The following GTF2B variants were observed in gnomAD, a reference collection of about 807,000 sequenced individuals.
GTF2B encodes the protein general transcription factor IIB, also known as transcription initiation factor IIB.
In GTF2B, 20 loss-of-function variants were observed where a neutral mutation model predicts 34.6. That is an observed-to-expected ratio of 0.58 (90% CI 0.41 to 0.84). The LOEUF is 0.84. Among genes scored for constraint, GTF2B ranks in the 40% least tolerant of loss-of-function variants. The pLI is 0.00. For missense variants in GTF2B, 237 were observed against 393.3 expected (o/e 0.60, Z 3.36); for synonymous variants, 142 against 132.4 (o/e 1.07, Z -0.50).
intron 2 of GTF2B, among the ~76,000 whole-genome samples, chr1:88,873,895 A>G (rs2100973405): frequency 6.6e-6 from 1 of 152,356 alleles, no homozygotes; most frequent in Non-Finnish European, 1.5e-5. Flanking sequence ...GTGAGCAGCC[A>G]CATACATGCC....
At chr1:88,858,858 A>C (rs1461405864) in intron 5 of GTF2B, 1 of 148,366 alleles carries the variant, frequency 6.7e-6, no homozygotes, top group Non-Finnish European at 1.5e-5. Flanking sequence ...GAAAAAACTT[A>C]ACTGATAACT....
At chr1:88,873,591 C>T (rs1673749251) in intron 2 of GTF2B, among the ~76,000 whole-genome samples, 3 of 152,098 alleles carry the variant, frequency 2.0e-5, no homozygotes, top group African/African-American at 7.2e-5. Flanking sequence ...AGAAGTTTCT[C>T]ATGTTAACAG....
chr1:88,864,290 G>A (rs140026201), intron 2 of GTF2B, among the ~76,000 whole-genome samples, 176 bp from the exon 3 acceptor site: 1,588 of 152,218 alleles, frequency 0.01, 20 homozygotes, highest in Middle Eastern at 0.02. Flanking sequence ...TAACTATTGT[G>A]CCAATCTAAC....
intron 1 of GTF2B, among the ~76,000 whole-genome samples, chr1:88,889,368 G>A (rs1435131092): frequency 6.6e-6 from 1 of 152,192 alleles, no homozygotes; most frequent in Non-Finnish European, 1.5e-5. Context: ...GTAACAGAGA[G>A]AAACAATAGG....
intron 1 of GTF2B, among the ~76,000 whole-genome samples, chr1:88,889,362 CAGAG>C (rs1330964282): frequency 1.3e-5 from 2 of 152,114 alleles, no homozygotes; most frequent in African/African-American, 4.8e-5. Context: ...AAGGTGGTAA[CAGAG>C]AGAAACAATA....
intron 4 of GTF2B, 48 bp downstream of exon 4, chr1:88,860,092 T>C (rs1673400680): frequency 6.2e-7 from 1 of 1,611,670 alleles, no homozygotes; most frequent in Admixed American, 1.7e-5. Context: ...CATTAAATTA[T>C]GCAAAGTCAA....
intron 6 of GTF2B, among the ~76,000 whole-genome samples, chr1:88,856,107 T>C (rs1233013532): frequency 6.6e-6 from 1 of 151,628 alleles, no homozygotes; most frequent in East Asian, 1.9e-4. Context: ...CCATCTCTAC[T>C]AAAAATACAA....
chr1:88,861,357 G>A (rs1673436348), intron 3 of GTF2B, among the ~76,000 whole-genome samples: 1 of 152,198 alleles, frequency 6.6e-6, no homozygotes, highest in African/African-American at 2.4e-5. Context: ...CAAAACCCCA[G>A]TGAGAATATT....
At chr1:88,862,472 G>T in intron 3 of GTF2B, among the ~76,000 whole-genome samples, 1 of 152,182 alleles carries the variant, frequency 6.6e-6, no homozygotes. Context: ...AGCCTGGGAG[G>T]TGGAGGTTGC....
chr1:88,861,059 A>G (rs1363246210), intron 3 of GTF2B, among the ~76,000 whole-genome samples: 1 of 152,232 alleles, frequency 6.6e-6, no homozygotes, highest in Non-Finnish European at 1.5e-5. Flanking sequence ...GCTGCTATAA[A>G]TAATTCATTA....
intron 1 of GTF2B, 99 bp downstream of exon 1, chr1:88,891,384 C>A: frequency 1.2e-6 from 1 of 853,654 alleles, no homozygotes; most frequent in South Asian, 1.6e-5. Flanking sequence ...TCCCATACCC[C>A]TAGGCGCTCA....
chr1:88,891,409 C>T (rs12748743), intron 1 of GTF2B, 74 bp downstream of exon 1: 14,600 of 1,226,442 alleles, frequency 0.012, 116 homozygotes, highest in Non-Finnish European at 0.015. Context: ...TACGAGGCTG[C>T]CCGGAGGCCG....
intron 3 of GTF2B, among the ~76,000 whole-genome samples, chr1:88,863,625 G>A (rs1180424770): frequency 6.6e-6 from 1 of 152,136 alleles, no homozygotes; most frequent in African/African-American, 2.4e-5. Flanking sequence ...AAAGTGCTGG[G>A]ATCACAGGTG....
intron 2 of GTF2B, 21 bp from the exon 3 acceptor site, chr1:88,864,135 C>G (rs373679681): frequency 6.0e-5 from 97 of 1,612,740 alleles, no homozygotes; most frequent in Middle Eastern, 1.6e-4. Context: ...AAGCACATAT[C>G]TGAATCATTT....
In GTF2B at chr1:88,856,704, C is replaced by T. The variant is rs572887853; in HGVS notation, c.817+502G>A. Among the ~76,000 whole-genome samples the T allele has an allele frequency of 1.3e-4, 20 of 151,966 alleles. No homozygotes were observed. The East Asian group carries it at 3.9e-3, about 29-fold the overall frequency. Reference sequence around the variant, plus strand: ...AAATGGGAAAAAAATTAGGTTTGTTCACAGGGTTATGTCTCTGAACATTTT... The same window carrying T: ...AAATGGGAAAAAAATTAGGTTTGTTTACAGGGTTATGTCTCTGAACATTTT... On this transcript the variant is annotated intron_variant, in intron 6 of 6. Transcript: ENST00000370500.
At chr1:88,880,814 GC>G (rs1236403199) in intron 2 of GTF2B, among the ~76,000 whole-genome samples, 1 of 152,008 alleles carries the variant, frequency 6.6e-6, no homozygotes, top group Admixed American at 6.6e-5. Context: ...TTTGAGACCA[GC>G]CCGGCCAACA....
At chr1:88,877,631 T>C (rs1455993232) in intron 2 of GTF2B, among the ~76,000 whole-genome samples, 1 of 152,218 alleles carries the variant, frequency 6.6e-6, no homozygotes, top group Non-Finnish European at 1.5e-5. Context: ...AAAAGAGTGC[T>C]GTTAGAACAA....
intron 1 of GTF2B, 187 bp from the exon 2 acceptor site, chr1:88,887,554 G>T (rs892124363): frequency 1.6e-5 from 8 of 512,894 alleles, no homozygotes; most frequent in Admixed American, 6.6e-5. Flanking sequence ...CTAGTAACTG[G>T]CAAGTAGTTT....
rs200095317 is a variant in GTF2B at position 88,857,290 on chromosome 1, C to T, written c.733G>A (p.Val245Ile). 1.0e-4 allele frequency: 167 copies of T among 1,613,524 alleles called. No homozygotes were observed. The highest frequency in any genetic ancestry group is 2.2e-4 in the South Asian group (20 of 91,070). ...ACAGAGATGGGGCTCCTCCCAGGAA[C>T]CAAGTCCAGTTCCACAGCTTTACGG... ...IARKAVELDL[V>I]PGRSPISVAA... The change falls in exon 6 of 7, where the codon GTT becomes ATT. Residue 245 changes from valine to isoleucine, a missense_variant. Val to Ile is a conservative substitution (Grantham distance 29). This residue lies in a region of GTF2B where 78 missense variants were observed against 116.6 expected (regional missense o/e 0.67). Transcript: ENST00000370500.
Sources: gnomAD v4.1 joint callset for allele counts (sites outside exome capture counted in the v4.1 genomes callset) on GRCh38, gnomAD v4.1.1 for gene constraint, gnomAD v4.1.1 regional missense constraint, MANE v1.5 for transcripts, NCBI Gene and HGNC (gene_info 2026-07-23, HGNC 2026-07-21) for gene names.